Variants in EPHB1 observed in about 807,000 individuals in gnomAD.
The protein encoded by EPHB1 is ephrin type-B receptor 1.
A neutral mutation model predicts 94.4 loss-of-function variants in EPHB1; 30 were observed. The observed-to-expected ratio is 0.32, with a 90% CI of 0.24 to 0.43. The LOEUF (loss-of-function observed/expected upper bound fraction) is 0.43. Ranked by LOEUF, EPHB1 falls within the 20% of genes least tolerant of loss-of-function variation. The probability of loss-of-function intolerance (pLI) is 1.00; values close to 1 mark genes in which losing one functional copy is unlikely to be tolerated. For missense variants in EPHB1, 1,055 were observed against 1,308.3 expected (o/e 0.81, Z 2.99); for synonymous variants, 522 against 489.1 (o/e 1.07, Z -0.89).
At chr3:134,893,490 C>A (rs552210640) in intron 1 of EPHB1, among the ~76,000 whole-genome samples, 1 of 152,280 alleles carries the variant, frequency 6.6e-6, no homozygotes, top group Non-Finnish European at 1.5e-5. Context: ...TACTCTCCCT[C>A]CCACACCCCC....
In EPHB1 at chr3:134,951,954, T is replaced by A. The variant is rs747340696; in HGVS notation, c.707T>A (p.Ile236Asn). ...IPNAEEVDVP[I>N]KLYCNGDGEW... ...AACGCAGAGGAAGTGGACGTGCCCA[T>A]CAAACTCTACTGCAACGGGGATGGG... The change falls in exon 3 of 16, where the codon ATC becomes AAC. Residue 236 changes from isoleucine to asparagine, a missense_variant. By Grantham distance (149) the Ile-to-Asn change is moderately radical. Coordinates refer to ENST00000398015, the MANE Select transcript of EPHB1 (RefSeq NM_004441.5). This position sits in a 1 kb window ranked among gnomAD's most constrained non-coding sequence, Gnocchi z 4.5. The A allele has an allele frequency of 6.2e-7, 1 of 1,614,008 alleles. No individual in the cohort carries two copies. The highest frequency in any genetic ancestry group is 1.7e-5 in the Admixed American group (1 of 60,026).
At chr3:134,933,124 C>T (rs965384048) in intron 2 of EPHB1, among the ~76,000 whole-genome samples, 1 of 152,176 alleles carries the variant, frequency 6.6e-6, no homozygotes, top group Non-Finnish European at 1.5e-5. Context: ...GGTTATCAAT[C>T]GATCCCTCCT....
intron 3 of EPHB1, among the ~76,000 whole-genome samples, chr3:135,010,263 C>T (rs896666413): frequency 2.0e-5 from 3 of 151,920 alleles, no homozygotes; most frequent in Admixed American, 6.6e-5. Flanking sequence ...TCACAGTATC[C>T]CTTGATTTCC....
intron 1 of EPHB1, among the ~76,000 whole-genome samples, chr3:134,823,410 G>A (rs982886756): frequency 6.6e-6 from 1 of 152,180 alleles, no homozygotes; most frequent in African/African-American, 2.4e-5. Flanking sequence ...TCTGCCAGGG[G>A]TTGTGCTGAA....
At chr3:135,052,890 A>AAAAAAATATATAT (rs1553726757) in intron 3 of EPHB1, among the ~76,000 whole-genome samples, 1 of 54,620 alleles carries the variant, frequency 1.8e-5, no homozygotes, top group Non-Finnish European at 2.9e-5. Context: ...AAAAAAAAAA[A>AAAAAAATATATAT]ATATATATAT....
At chr3:135,116,782 G>A (rs999947202) in intron 4 of EPHB1, among the ~76,000 whole-genome samples, 1 of 152,074 alleles carries the variant, frequency 6.6e-6, no homozygotes, top group African/African-American at 2.4e-5. Context: ...CCTCTCCAAG[G>A]ACCAGTATAT....
intron 3 of EPHB1, among the ~76,000 whole-genome samples, chr3:135,020,290 C>T (rs570373073): frequency 9.9e-5 from 15 of 152,142 alleles, no homozygotes; most frequent in Non-Finnish European, 1.9e-4. Flanking sequence ...ATACAGTTCA[C>T]CCAATTAAAG....
At chr3:134,978,842 G>A (rs1419012422) in intron 3 of EPHB1, among the ~76,000 whole-genome samples, 1 of 152,228 alleles carries the variant, frequency 6.6e-6, no homozygotes, top group African/African-American at 2.4e-5. Flanking sequence ...ACTCACCGCA[G>A]ATGTGTGGAA....
At chr3:135,245,585 A>T (rs1363327297) in intron 13 of EPHB1, among the ~76,000 whole-genome samples, 2 of 150,676 alleles carry the variant, frequency 1.3e-5, no homozygotes, top group Non-Finnish European at 2.9e-5. Context: ...AGGCGGGAGG[A>T]TCACGGGGTC....
chr3:135,017,642 C>A (rs1935848266), intron 3 of EPHB1, among the ~76,000 whole-genome samples: 1 of 152,140 alleles, frequency 6.6e-6, no homozygotes, highest in African/African-American at 2.4e-5. Flanking sequence ...CTGTTCACTC[C>A]TTTTCTATGC....
chr3:134,942,135 T>G (rs73226295), intron 2 of EPHB1, among the ~76,000 whole-genome samples: 6,442 of 152,302 alleles, frequency 0.042, 206 homozygotes, highest in African/African-American at 0.085. Flanking sequence ...TGGTGGCACC[T>G]GCAGTAAAGA....
At chr3:135,150,807 A>G (rs1033302459) in intron 5 of EPHB1, among the ~76,000 whole-genome samples, 1 of 152,216 alleles carries the variant, frequency 6.6e-6, no homozygotes, top group Admixed American at 6.5e-5. Flanking sequence ...GGTCTCCAAC[A>G]TGGACCTTAT....
chr3:135,072,976 T>C (rs1460735918), intron 3 of EPHB1, among the ~76,000 whole-genome samples: 1 of 152,184 alleles, frequency 6.6e-6, no homozygotes, highest in East Asian at 1.9e-4. Flanking sequence ...AGTTCATAGA[T>C]TTAAACATAC....
intron 4 of EPHB1, 126 bp downstream of exon 4, chr3:135,106,729 G>A: frequency 8.0e-7 from 1 of 1,246,998 alleles, no homozygotes; most frequent in Non-Finnish European, 1.1e-6. Flanking sequence ...TGCTGGCCAT[G>A]GTGCTGAAAC....
intron 15 of EPHB1, among the ~76,000 whole-genome samples, chr3:135,255,819 G>A: frequency 7.2e-6 from 1 of 139,386 alleles, no homozygotes; most frequent in Non-Finnish European, 1.6e-5. Flanking sequence ...ACAGTGGGGT[G>A]TTAAAGTCTC....
intron 1 of EPHB1, among the ~76,000 whole-genome samples, chr3:134,810,109 T>A (rs1241622755): frequency 6.6e-6 from 1 of 152,230 alleles, no homozygotes; most frequent in Non-Finnish European, 1.5e-5. Flanking sequence ...CATAGGTATG[T>A]GACTCTGTTG....
intron 1 of EPHB1, among the ~76,000 whole-genome samples, chr3:134,799,775 G>A (rs2035901450): frequency 6.6e-6 from 1 of 152,152 alleles, no homozygotes; most frequent in African/African-American, 2.4e-5. Flanking sequence ...CACAAGAATG[G>A]GTACCGATGA....
chr3:135,188,889 A>T (rs528504099), intron 10 of EPHB1, among the ~76,000 whole-genome samples: 1 of 152,366 alleles, frequency 6.6e-6, no homozygotes, highest in Non-Finnish European at 1.5e-5. Flanking sequence ...TTTGCCAGAC[A>T]GGAAAGGAAT....
chr3:135,210,360 A>G (rs779384891), intron 12 of EPHB1, among the ~76,000 whole-genome samples: 2 of 152,198 alleles, frequency 1.3e-5, no homozygotes, highest in Non-Finnish European at 2.9e-5. Context: ...AGGGAGCTGA[A>G]TATGTGGGTT....
Sources: allele counts gnomAD v4.1 joint callset (sites outside exome capture counted in the v4.1 genomes callset), GRCh38; gene constraint gnomAD v4.1.1; non-coding constraint Gnocchi (gnomAD v3.1); transcripts MANE v1.5; gene names NCBI Gene and HGNC (gene_info 2026-07-23, HGNC 2026-07-21).